ADAMTSL3: variants seen among roughly 807,000 people sequenced by gnomAD.
ADAMTSL3 encodes the protein ADAMTS like 3.
Under a neutral mutation model 201.7 loss-of-function variants are expected in ADAMTSL3, and 128 were observed. The ratio of observed to expected loss-of-function variants is 0.63; its 90% CI spans 0.55 to 0.73. The LOEUF is 0.73. Ranked by LOEUF, ADAMTSL3 falls within the 30% of genes least tolerant of loss-of-function variation. The pLI, the probability that ADAMTSL3 is intolerant of heterozygous loss-of-function variation, is 0.00. For synonymous variants in ADAMTSL3, 738 were observed against 748.4 expected, an observed-to-expected ratio of 0.99 and a Z score of 0.23; for missense variants, 1,990 against 2,119.6, an observed-to-expected ratio of 0.94 and a Z score of 1.20.
At chr15:83,924,930 G>A (rs1238078816) in intron 17 of ADAMTSL3, among the ~76,000 whole-genome samples, 1 of 152,132 alleles carries the variant, frequency 6.6e-6, no homozygotes, top group Non-Finnish European at 1.5e-5. Flanking sequence ...ATTTGCTAAA[G>A]CAAGTTCTGC....
At chr15:83,904,604 T>G (rs917306188) in intron 15 of ADAMTSL3, among the ~76,000 whole-genome samples, 1 of 152,154 alleles carries the variant, frequency 6.6e-6, no homozygotes, top group African/African-American at 2.4e-5. Context: ...AAAATTATAG[T>G]GTATAAATCT....
intron 9 of ADAMTSL3, among the ~76,000 whole-genome samples, chr15:83,884,338 C>CTTTTTTTT (rs35308485): frequency 8.7e-6 from 1 of 114,486 alleles, no homozygotes; most frequent in Non-Finnish European, 1.7e-5. Flanking sequence ...GCCCTATTTC[C>CTTTTTTTT]TTTTTTTTTT....
chr15:83,988,356 A>G (rs1052486181), intron 21 of ADAMTSL3, among the ~76,000 whole-genome samples: 3 of 152,206 alleles, frequency 2.0e-5, no homozygotes, highest in African/African-American at 7.2e-5. Context: ...CAGCAAATGA[A>G]TAGGTTTGCT....
At chr15:83,724,915 T>C (rs139845888) in intron 3 of ADAMTSL3, among the ~76,000 whole-genome samples, 210 of 152,258 alleles carry the variant, frequency 1.4e-3, no homozygotes, top group African/African-American at 4.8e-3. Flanking sequence ...GAGTACTCCA[T>C]TGTGTATATG....
At chr15:83,826,979 C>A (rs59051738) in intron 6 of ADAMTSL3, among the ~76,000 whole-genome samples, 15,290 of 152,032 alleles carry the variant, frequency 0.1, 980 homozygotes, top group East Asian at 0.32. Flanking sequence ...ATACGTGTGC[C>A]TGTGTCTTTA....
At chr15:83,873,510 C>G (rs1253309973) in intron 9 of ADAMTSL3, among the ~76,000 whole-genome samples, 1 of 143,962 alleles carries the variant, frequency 6.9e-6, no homozygotes, top group East Asian at 2.3e-4. Context: ...TCCCAACTAC[C>G]TGGAACTACA....
At chr15:83,708,674 A>G (rs916192065) in intron 3 of ADAMTSL3, among the ~76,000 whole-genome samples, 10 of 152,220 alleles carry the variant, frequency 6.6e-5, no homozygotes, top group Admixed American at 1.3e-4. Context: ...TTTAAAAAAC[A>G]AAGTGACTGG....
At chr15:83,946,748 TAAG>T (rs1449555557) in intron 19 of ADAMTSL3, among the ~76,000 whole-genome samples, 1 of 152,126 alleles carries the variant, frequency 6.6e-6, no homozygotes, top group African/African-American at 2.4e-5. Flanking sequence ...AAAGGAAACT[TAAG>T]AGGAGGCTAC....
At chr15:83,661,819 A>G (rs1359309093) in intron 2 of ADAMTSL3, among the ~76,000 whole-genome samples, 15 of 150,032 alleles carry the variant, frequency 1.0e-4, no homozygotes, top group Admixed American at 6.0e-4. Context: ...AACACATGAA[A>G]AAATGCTCAT....
chr15:83,906,771 T>C (rs990126443), intron 15 of ADAMTSL3, among the ~76,000 whole-genome samples: 1 of 152,110 alleles, frequency 6.6e-6, no homozygotes, highest in Non-Finnish European at 1.5e-5. Context: ...TTTTCAAATA[T>C]GATAATTTTG....
At chr15:83,849,927 G>A (rs1041569818) in intron 7 of ADAMTSL3, among the ~76,000 whole-genome samples, 2 of 152,112 alleles carry the variant, frequency 1.3e-5, no homozygotes, top group Non-Finnish European at 2.9e-5. Context: ...ACTTCTGAGA[G>A]ACTTTAATAC....
intron 9 of ADAMTSL3, among the ~76,000 whole-genome samples, chr15:83,872,554 C>T (rs1182232669): frequency 1.3e-5 from 2 of 150,992 alleles, no homozygotes; most frequent in African/African-American, 4.9e-5. Context: ...TTTCCTTGCC[C>T]TCCTTAGGGC....
chr15:83,982,972 A>G lies in ADAMTSL3; in HGVS notation c.3344A>G (p.Asp1115Gly). The change falls in exon 21 of 30, where the codon GAT becomes GGT. Residue 1115 changes from aspartate (D) to glycine (G), a missense_variant. Physicochemically the swap from Asp to Gly is moderately conservative, Grantham distance 94. Coordinates refer to ENST00000286744, the MANE Select transcript of ADAMTSL3 (RefSeq NM_207517.3). The stretch of plus-strand genomic sequence containing the variant: ...ATGGAAACCGGAGAGGTCAGCGATG[A>G]TCTTGCGTCCCAGCTGATATATCAG... Reference protein sequence around the residue: ...QLMETGEVSDDLASQLIYQLV... With the variant: ...QLMETGEVSDGLASQLIYQLV... 6.2e-7 allele frequency: 1 copy of G among 1,614,146 alleles called. No homozygotes were observed. Among genetic ancestry groups the G allele is most frequent in the Non-Finnish European group, 8.5e-7 (1 of 1,180,026 alleles).
intron 3 of ADAMTSL3, among the ~76,000 whole-genome samples, chr15:83,718,680 G>A (rs538817651): frequency 1.1e-3 from 155 of 138,372 alleles, no homozygotes; most frequent in African/African-American, 4.0e-3. Context: ...GACAGAGTGA[G>A]ACTCCGTCTC....
intron 17 of ADAMTSL3, among the ~76,000 whole-genome samples, chr15:83,930,334 G>T (rs565154791): frequency 6.6e-6 from 1 of 152,162 alleles, no homozygotes; most frequent in Admixed American, 6.5e-5. Flanking sequence ...GTAGTGTGAC[G>T]TGCTTGGGGT....
chr15:83,837,960 A>C, intron 6 of ADAMTSL3, 129 bp from the exon 7 acceptor site: 1 of 1,125,092 alleles, frequency 8.9e-7, no homozygotes, highest in Non-Finnish European at 1.2e-6. Flanking sequence ...GATTTATAAA[A>C]CTATGTTCTC....
At chr15:83,847,846 G>A (rs761035315) in intron 7 of ADAMTSL3, among the ~76,000 whole-genome samples, 3 of 151,568 alleles carry the variant, frequency 2.0e-5, no homozygotes, top group Non-Finnish European at 2.9e-5. Flanking sequence ...GGTGTGTGAG[G>A]GAATTAACAA....
chr15:83,880,503 A>G (rs190602295), intron 9 of ADAMTSL3, among the ~76,000 whole-genome samples: 33 of 152,334 alleles, frequency 2.2e-4, no homozygotes, highest in Admixed American at 2.0e-3. Flanking sequence ...TGAAAACCTA[A>G]AATGTTTACT....
chr15:83,777,032 G>T (rs1161753074), intron 4 of ADAMTSL3, among the ~76,000 whole-genome samples: 1 of 152,096 alleles, frequency 6.6e-6, no homozygotes, highest in Non-Finnish European at 1.5e-5. Context: ...CTAACACTGT[G>T]CAGAGAACAG....
Sources: gnomAD v4.1 joint callset for allele counts (sites outside exome capture counted in the v4.1 genomes callset) on GRCh38, gnomAD v4.1.1 for gene constraint, MANE v1.5 for transcripts, NCBI Gene and HGNC (gene_info 2026-07-23, HGNC 2026-07-21) for gene names.